LAMP1: variants seen among roughly 807,000 people sequenced by gnomAD.
LAMP1 encodes lysosome associated membrane protein 1.
In LAMP1, 7 loss-of-function variants were observed where a neutral mutation model predicts 37.5. That is an observed-to-expected ratio of 0.19 (90% CI 0.11 to 0.35). LAMP1 has a LOEUF of 0.35. LAMP1 is among the 10% of genes least tolerant of loss of function. LAMP1 has a pLI of 1.00. For missense variants in LAMP1, 537 were observed against 552.8 expected, an observed-to-expected ratio of 0.97 and a Z score of 0.29; for synonymous variants, 236 against 229.1, an observed-to-expected ratio of 1.03 and a Z score of -0.27.
At chr13:113,318,990 C>T (rs1441631123) in intron 4 of LAMP1, among the ~76,000 whole-genome samples, 4 of 152,226 alleles carry the variant, frequency 2.6e-5, no homozygotes, top group African/African-American at 7.2e-5. Flanking sequence ...GTTTCCAGCA[C>T]GATCCTGGCG....
intron 3 of LAMP1, among the ~76,000 whole-genome samples, chr13:113,310,239 AAC>A (rs1045889385): frequency 1.3e-5 from 2 of 151,024 alleles, no homozygotes; most frequent in African/African-American, 4.9e-5. Flanking sequence ...AAAAATAAAA[AAC>A]ACACAGCCAG....
chr13:113,301,334 T>C (rs2139355166), intron 1 of LAMP1, among the ~76,000 whole-genome samples: 1 of 151,890 alleles, frequency 6.6e-6, no homozygotes, highest in African/African-American at 2.4e-5. Flanking sequence ...TAAAAAGAAA[T>C]ATACGGCCGG....
intron 1 of LAMP1, among the ~76,000 whole-genome samples, chr13:113,299,988 A>G (rs1482277254): frequency 1.3e-5 from 2 of 152,210 alleles, no homozygotes; most frequent in East Asian, 3.8e-4. Flanking sequence ...TCAATTACAA[A>G]TTTCCACTAT....
intron 1 of LAMP1, chr13:113,305,763 G>T (rs2042595115): frequency 6.6e-6 from 1 of 152,228 alleles, no homozygotes; most frequent in African/African-American, 2.4e-5. Context: ...GGACCACAGT[G>T]AAAGATCCTG....
intron 4 of LAMP1, among the ~76,000 whole-genome samples, chr13:113,318,840 G>T (rs1001297419): frequency 6.6e-6 from 1 of 152,092 alleles, no homozygotes. Flanking sequence ...AGCCTTGCCC[G>T]CCTTTGAGTC....
chr13:113,322,506 C>A lies in LAMP1; in HGVS notation c.*85C>A. The stretch of plus-strand genomic sequence containing the variant: ...TCCTGTCGAAGGGGAGGCACACTTT[C>A]TGGCAAACGTTTCTCAAATCTGCTT... On this transcript the variant is annotated 3_prime_UTR_variant, in exon 9 of 9. Coordinates refer to ENST00000332556, the MANE Select transcript of LAMP1 (RefSeq NM_005561.4). 1.5e-6 allele frequency: 2 copies of A among 1,330,788 alleles called. No individual in the cohort carries two copies. Among genetic ancestry groups the A allele is most frequent in the Non-Finnish European group, 2.0e-6 (2 of 977,954 alleles). 82.4% of individuals were successfully genotyped at this position (1,330,788 alleles called of 1,614,324 possible).
chr13:113,321,820 C>G lies in LAMP1; in HGVS notation c.1114+93C>G. On this transcript the variant is annotated intron_variant, in intron 8 of 8. Transcript: ENST00000332556. This position sits in a 1 kb window ranked among gnomAD's most constrained non-coding sequence, Gnocchi z 5.6. The stretch of plus-strand genomic sequence containing the variant: ...TTAGTCGCTTCCGTGTGGGCTGGGG[C>G]GACGCCCCTGTTCCTCTGCAAGGAG... The G allele has an allele frequency of 7.8e-7, 1 of 1,275,660 alleles. No individual in the cohort carries two copies. Among genetic ancestry groups the G allele is most frequent in the East Asian group, 2.3e-5 (1 of 43,008 alleles). 79.0% of individuals were successfully genotyped at this position (1,275,660 alleles called of 1,614,324 possible). A position where few individuals can be genotyped will look rare whatever the true frequency, so the allele number is the denominator to read the frequency against.
Position 113,320,248 on chromosome 13 carries a change from A to G in LAMP1, c.751-97A>G, listed in dbSNP as rs371079289. On this transcript the variant is annotated intron_variant, in intron 5 of 8. Coordinates refer to ENST00000332556, the MANE Select transcript of LAMP1 (RefSeq NM_005561.4). This position sits in a 1 kb window ranked among gnomAD's most constrained non-coding sequence, Gnocchi z 4.4. ...TTTCCTTCTGGTTTTGGTTAAAACA[A>G]ATGTGGCCTTGAATTCACGGTTTCA... The G allele has an allele frequency of 2.1e-6, 3 of 1,456,080 alleles. No individual in the cohort carries two copies. Among genetic ancestry groups the G allele is most frequent in the Admixed American group, 3.5e-5 (2 of 57,490 alleles). 90.2% of individuals were successfully genotyped at this position (1,456,080 alleles called of 1,614,324 possible). A position where few individuals can be genotyped will look rare whatever the true frequency, so the allele number is the denominator to read the frequency against.
chr13:113,320,130 C>T lies in LAMP1; in HGVS notation c.751-215C>T, dbSNP rs966940636. ...AGGTGGTGCTGCTGGTTGCCCTCCA[C>T]GCGGGGACGCTGCACTCCAAGAGCA... On this transcript the variant is annotated intron_variant, in intron 5 of 8. Transcript: ENST00000332556. The surrounding 1 kb of genome is among the most constrained non-coding windows in gnomAD (Gnocchi z 4.4). Among the ~76,000 whole-genome samples the T allele has an allele frequency of 6.6e-6, 1 of 152,104 alleles. No individual in the cohort carries two copies. The highest frequency in any genetic ancestry group is 1.5e-5 in the Non-Finnish European group (1 of 68,018).
chr13:113,321,979 T>C lies in LAMP1; in HGVS notation c.1114+252T>C. 1.7e-6 allele frequency: 1 copy of C among 588,924 alleles called. No individual in the cohort carries two copies. The highest frequency in any genetic ancestry group is 4.5e-4 in the Middle Eastern group (1 of 2,208). 36.5% of individuals were successfully genotyped at this position (588,924 alleles called of 1,614,324 possible). A position where few individuals can be genotyped will look rare whatever the true frequency, so the allele number is the denominator to read the frequency against. On this transcript the variant is annotated intron_variant, in intron 8 of 8. Transcript: ENST00000332556. This position sits in a 1 kb window ranked among gnomAD's most constrained non-coding sequence, Gnocchi z 5.6. The stretch of plus-strand genomic sequence containing the variant: ...TCATTTTAAGAAACAGTGGTGGCGC[T>C]TCTCCCATGAACGTTGAATACAACA...
chr13:113,314,181 A>G, intron 4 of LAMP1, among the ~76,000 whole-genome samples: 1 of 111,966 alleles, frequency 8.9e-6, no homozygotes, highest in Non-Finnish European at 1.7e-5. Flanking sequence ...TACTAGAGGG[A>G]GTCAGTGTGG....
chr13:113,322,453 G>A lies in LAMP1; in HGVS notation c.*32G>A, dbSNP rs771275054. Reference sequence around the variant, plus strand: ...GCACGCAGGCACAGCAGCTGCAGGGGCCTCTGTTCCTTTCTCTGGGCTTAG... The same window carrying A: ...GCACGCAGGCACAGCAGCTGCAGGGACCTCTGTTCCTTTCTCTGGGCTTAG... On this transcript the variant is annotated 3_prime_UTR_variant, in exon 9 of 9. Transcript: ENST00000332556. 1.9e-6 allele frequency: 3 copies of A among 1,579,522 alleles called. No individual in the cohort carries two copies. Among genetic ancestry groups the A allele is most frequent in the Non-Finnish European group, 2.6e-6 (3 of 1,157,572 alleles).
rs893901493 is a variant in LAMP1 at position 113,297,785 on chromosome 13, G to A, written c.61+290G>A. Among the ~76,000 whole-genome samples the A allele has an allele frequency of 2.0e-5, 3 of 152,232 alleles. No homozygotes were observed. Among genetic ancestry groups the A allele is most frequent in the Non-Finnish European group, 4.4e-5 (3 of 68,040 alleles). ...TTTCTGTGGTGGTGAGTGCGAAAGG[G>A]AACTTCCGATGGCTTGCTCGGCGGT... On this transcript the variant is annotated intron_variant, in intron 1 of 8. Coordinates refer to ENST00000332556, the MANE Select transcript of LAMP1 (RefSeq NM_005561.4). This position sits in a 1 kb window ranked among gnomAD's most constrained non-coding sequence, Gnocchi z 4.4.
rs1213258340 is a variant in LAMP1, at chr13:113,314,824, A to G, written c.562+3957A>G. Among the ~76,000 whole-genome samples, 435 of 48,620 alleles carry G rather than the reference A, an allele frequency of 8.9e-3. 4 individuals are homozygous for G. Among genetic ancestry groups the G allele is most frequent in the African/African-American group, 0.021 (244 of 11,480 alleles). The allele number at this position is 48,620 out of a possible 152,430, so 31.9% of individuals were successfully genotyped here. On this transcript the variant is annotated intron_variant, in intron 4 of 8. Transcript: ENST00000332556. ...AGAGGGAGTCAGTGTGGAGATGCCCATGTGCCTGGGGCGTGGCCTCCTGGA... is the reference window on the plus strand; with the variant it reads ...AGAGGGAGTCAGTGTGGAGATGCCCGTGTGCCTGGGGCGTGGCCTCCTGGA...
At position 113,320,301 on chromosome 13, in the gene LAMP1, A is replaced by AG. The variant is rs1220130855; in HGVS notation, c.751-42dup. 1.2e-6 allele frequency: 2 copies of AG among 1,611,638 alleles called. No individual in the cohort carries two copies. The highest frequency in any genetic ancestry group is 4.5e-5 in the East Asian group (2 of 44,844). On this transcript the variant is annotated intron_variant, in intron 5 of 8. Transcript: ENST00000332556. The surrounding 1 kb of genome is among the most constrained non-coding windows in gnomAD (Gnocchi z 4.4). ...ACTGTTTGTCTTTTCGAGAGTGTGG[A>AG]GGACCTGAGCTAGGGTGGTGACTTG...
rs1460769602 is a variant in LAMP1, at chr13:113,323,571, G to A, written c.*1150G>A. ...AGGGTGGTCTTGGTGCCAGACGTAG[G>A]GAATGGTGTTGGGAGTGGCCCGAGT... is the stretch of plus-strand genomic sequence containing the variant. On this transcript the variant is annotated 3_prime_UTR_variant, in exon 9 of 9. Transcript: ENST00000332556. 6.6e-6 allele frequency: 1 copy of A among 151,926 alleles called. No individual in the cohort carries two copies. Among genetic ancestry groups the A allele is most frequent in the Non-Finnish European group, 1.5e-5 (1 of 68,000 alleles). The allele number at this position is 151,926 out of a possible 1,614,324, so 9.4% of individuals were successfully genotyped here.
intron 1 of LAMP1, among the ~76,000 whole-genome samples, chr13:113,298,167 G>A (rs1341170648): frequency 6.6e-6 from 1 of 152,192 alleles, no homozygotes; most frequent in African/African-American, 2.4e-5. Context: ...CGGTGGCAAT[G>A]TTCATGTCTA....
intron 1 of LAMP1, among the ~76,000 whole-genome samples, chr13:113,301,346 C>T (rs2042570049): frequency 6.6e-6 from 1 of 151,838 alleles, no homozygotes; most frequent in Admixed American, 6.6e-5. Context: ...TACGGCCGGG[C>T]ACGGTGGCTG....
chr13:113,301,641 AAAAATATATATATATATATATATATAT>A (rs1416326365), intron 1 of LAMP1, among the ~76,000 whole-genome samples: 11,148 of 30,398 alleles, frequency 0.37, 1,536 homozygotes, highest in South Asian at 0.51. Context: ...AAAAAAAAAA[AAAAATATATATATATATATATATATAT>A]ATATATATAT....
Sources: gnomAD v4.1 joint callset for allele counts (sites outside exome capture counted in the v4.1 genomes callset) on GRCh38, gnomAD v4.1.1 for gene constraint, Gnocchi (gnomAD v3.1) non-coding constraint, MANE v1.5 for transcripts, NCBI Gene and HGNC (gene_info 2026-07-23, HGNC 2026-07-21) for gene names.